The following SMC1B variants were observed in gnomAD, a reference collection of about 807,000 sequenced individuals.
SMC1B encodes structural maintenance of chromosomes 1B.
In SMC1B, 60 loss-of-function variants were observed where a neutral mutation model predicts 157.9. That is an observed-to-expected ratio of 0.38 (90% confidence interval 0.31 to 0.47). SMC1B has a LOEUF of 0.47. Ranked by LOEUF, SMC1B falls within the 20% of genes least tolerant of loss-of-function variation. The pLI is 0.99. For synonymous variants in SMC1B, 445 were observed against 483.0 expected (o/e 0.92, Z 1.03); for missense variants, 1,165 against 1,426.2 (o/e 0.82, Z 2.95).
At position 45,406,769 on chromosome 22, in the gene SMC1B, T is replaced by C; in HGVS notation, c.395A>G (p.Asn132Ser). 1 of 1,593,200 alleles carries C rather than the reference T, an allele frequency of 6.3e-7. No homozygotes were observed. The highest frequency in any genetic ancestry group is 2.2e-5 in the East Asian group (1 of 44,742). ...GCTACTTACCTGAAAAACCAAACAATTTTGTGCTTTGACTATTATGCCTAT... is the reference window on the plus strand; with the variant it reads ...GCTACTTACCTGAAAAACCAAACAACTTTGTGCTTTGACTATTATGCCTAT... ...EKIGIIVKAQ[N>S]CLVFQGTVES... Residue 132 changes from asparagine (N) to serine (S), a missense_variant, in exon 3 of 25, where the codon AAT (asparagine) becomes AGT (serine). Physicochemically the swap from Asn to Ser is conservative, Grantham distance 46. Coordinates refer to ENST00000357450, the MANE Select transcript of SMC1B (RefSeq NM_148674.5).
chr22:45,355,733 C>T (rs74280485), intron 19 of SMC1B, among the ~76,000 whole-genome samples: 1 of 139,700 alleles, frequency 7.2e-6, no homozygotes, highest in Non-Finnish European at 1.6e-5. Flanking sequence ...AGAAAAAGTG[C>T]CACGCCCTTC....
intron 18 of SMC1B, 119 bp from the exon 19 acceptor site, chr22:45,358,914 C>A: frequency 3.6e-6 from 2 of 561,146 alleles, no homozygotes; most frequent in South Asian, 2.6e-5. Context: ...ATATAGATCA[C>A]CTTAACAGAC....
chr22:45,393,606 G>A (rs541943324), intron 9 of SMC1B, 28 bp downstream of exon 9: 160 of 1,532,696 alleles, frequency 1.0e-4, no homozygotes, highest in Non-Finnish European at 1.4e-4. Context: ...AGTTTTTTTT[G>A]TTTAAATTAA....
In SMC1B at chr22:45,399,314, G is replaced by A. The variant is rs2087165044; in HGVS notation, c.894C>T (p.Tyr298=). ...ETLLNQKRPQ[Y]IKAKENTSHH... is the part of the protein sequence containing the mutation. ...GAGAAGTGTTTTCTTTGGCTTTAAT[G>A]TACTGAGGCCTCTTCTGATTTAAAA... is the stretch of plus-strand genomic sequence containing the variant. The change falls in exon 6 of 25, where the codon TAC becomes TAT. Residue 298 remains tyrosine, a synonymous_variant. Coordinates refer to ENST00000357450, the MANE Select transcript of SMC1B (RefSeq NM_148674.5). The A allele has an allele frequency of 1.2e-6, 2 of 1,613,596 alleles. No homozygotes were observed. Among genetic ancestry groups the A allele is most frequent in the African/African-American group, 1.3e-5 (1 of 74,868 alleles).
At chr22:45,383,750 G>T in intron 11 of SMC1B, 137 bp from the exon 12 acceptor site, 2 of 677,606 alleles carry the variant, frequency 3.0e-6, no homozygotes, top group South Asian at 2.6e-5. Context: ...AAAATATCTA[G>T]TTTATGAAGA....
Position 45,378,369 on chromosome 22 carries a change from T to C in SMC1B, c.2058+5098A>G, listed in dbSNP as rs1413816775. On this transcript the variant is annotated intron_variant, in intron 12 of 24. Transcript: ENST00000357450. The stretch of plus-strand genomic sequence containing the variant: ...AAAAAGCTCTACTTTAAAAAAACTA[T>C]TGAGGTTTCCATTGTGGCCGAGCAT... 2.6e-5 allele frequency among the ~76,000 whole-genome samples: 4 copies of C among 152,194 alleles called. No individual in the cohort carries two copies. The South Asian group carries it at 6.2e-4, about 24-fold the overall frequency.
At chr22:45,356,508 G>C (rs2086671106) in intron 19 of SMC1B, among the ~76,000 whole-genome samples, 1 of 152,170 alleles carries the variant, frequency 6.6e-6, no homozygotes, top group South Asian at 2.1e-4. Context: ...AGATGATTTT[G>C]AGGGCTTTGA....
intron 6 of SMC1B, among the ~76,000 whole-genome samples, chr22:45,397,046 T>G (rs1039346842): frequency 3.3e-5 from 5 of 152,198 alleles, no homozygotes; most frequent in Non-Finnish European, 5.9e-5. Context: ...TTTATCAATT[T>G]TATGATAATC....
At chr22:45,411,120 C>T (rs1183172221) in intron 1 of SMC1B, among the ~76,000 whole-genome samples, 1 of 152,142 alleles carries the variant, frequency 6.6e-6, no homozygotes, top group African/African-American at 2.4e-5. Flanking sequence ...TTAATATTGT[C>T]CCTGCCTAAT....
At chr22:45,394,256 T>G (rs1430577982) in intron 8 of SMC1B, among the ~76,000 whole-genome samples, 3 of 151,538 alleles carry the variant, frequency 2.0e-5, no homozygotes, top group Admixed American at 1.3e-4. Context: ...GCCCAGTGGG[T>G]GCAGGCTGCA....
intron 21 of SMC1B, 130 bp downstream of exon 21, chr22:45,353,848 C>T (rs1307878284): frequency 1.4e-6 from 1 of 707,410 alleles, no homozygotes; most frequent in Non-Finnish European, 2.2e-6. Flanking sequence ...TGACTTTGCC[C>T]CATGAGTGAG....
chr22:45,345,274 A>T (rs547025182), intron 24 of SMC1B, among the ~76,000 whole-genome samples, 185 bp downstream of exon 24: 2 of 152,218 alleles, frequency 1.3e-5, no homozygotes, highest in Admixed American at 6.5e-5. Context: ...CACTTAAAAT[A>T]TATCTTCAAT....
At position 45,386,927 on chromosome 22, in the gene SMC1B, A is replaced by G. The variant is rs2086995786; in HGVS notation, c.1851T>C (p.Leu617=). 6.2e-7 allele frequency: 1 copy of G among 1,614,142 alleles called. No individual in the cohort carries two copies. Residue 617 remains leucine (L), a synonymous_variant, in exon 11 of 25, where the codon CTT becomes CTC. Coordinates refer to ENST00000357450, the MANE Select transcript of SMC1B (RefSeq NM_148674.5). The part of the protein sequence containing the change: ...KVIQFVCGNG[L]VCETMEEARH... ...TTGCTTCTTCCATAGTCTCACAAAC[A>G]AGACCATTTCCACACACAAACTGAA...
chr22:45,393,598 T>G (rs768863462), intron 9 of SMC1B, 36 bp downstream of exon 9: 57 of 1,489,010 alleles, frequency 3.8e-5, no homozygotes, highest in Non-Finnish European at 5.1e-5. Context: ...GAAAGCTTAG[T>G]TTTTTTTGTT....
chr22:45,413,246 T>C (rs1192265193), intron 1 of SMC1B, among the ~76,000 whole-genome samples: 1 of 151,212 alleles, frequency 6.6e-6, no homozygotes, highest in Admixed American at 6.6e-5. Flanking sequence ...TCGGGACCCC[T>C]GAGGTGGACG....
chr22:45,375,360 CTG>C (rs2086874550), intron 12 of SMC1B, among the ~76,000 whole-genome samples: 1 of 152,224 alleles, frequency 6.6e-6, no homozygotes, highest in Non-Finnish European at 1.5e-5. Context: ...TAAAACCAAA[CTG>C]TGCTCTGACC....
At chr22:45,398,606 G>C (rs956142331) in intron 6 of SMC1B, among the ~76,000 whole-genome samples, 1 of 152,178 alleles carries the variant, frequency 6.6e-6, no homozygotes. Flanking sequence ...AAGGCAGGTG[G>C]ATCACCAGAG....
intron 22 of SMC1B, 123 bp downstream of exon 22, chr22:45,352,328 A>G (rs1170675116): frequency 1.2e-5 from 10 of 841,964 alleles, no homozygotes; most frequent in African/African-American, 3.4e-5. Flanking sequence ...GTCTGGCTGA[A>G]GAAGATAGTT....
rs1484170824 is a variant in SMC1B at position 45,369,962 on chromosome 22, A to G, written c.2412T>C (p.Asp804=). The change falls in exon 15 of 25, where the codon GAT becomes GAC. Residue 804 remains aspartate (D), a synonymous_variant. Transcript: ENST00000357450. Reference sequence around the variant, plus strand: ...TCTTTTTATAAAAATACCTTTTTTGATCAATTTCTTGTTGCCGTTTAACAT... The same window carrying G: ...TCTTTTTATAAAAATACCTTTTTTGGTCAATTTCTTGTTGCCGTTTAACAT... ...NKHVKRQQEI[D]QKRLEFEKQK... 1.7e-5 allele frequency: 27 copies of G among 1,555,640 alleles called. No homozygotes were observed. Among genetic ancestry groups the G allele is most frequent in the Non-Finnish European group, 2.3e-5 (26 of 1,138,588 alleles).
Sources: allele counts gnomAD v4.1 joint callset (sites outside exome capture counted in the v4.1 genomes callset), GRCh38; gene constraint gnomAD v4.1.1; transcripts MANE v1.5; gene names NCBI Gene and HGNC (gene_info 2026-07-23, HGNC 2026-07-21).